Variants in WDR41 observed in about 807,000 individuals in gnomAD.
WDR41 encodes the protein WD repeat-containing protein 41.
In WDR41, 63 loss-of-function variants were observed where a neutral mutation model predicts 69.3. The ratio of observed to expected loss-of-function variants is 0.91; its 90% CI spans 0.74 to 1.12. The LOEUF (loss-of-function observed/expected upper bound fraction) is 1.12. Ranked by LOEUF, WDR41 falls within the 50% of genes most tolerant of loss-of-function variation. WDR41 has a pLI of 0.00. For missense variants in WDR41, 543 were observed against 534.5 expected (o/e 1.02, Z -0.16); for synonymous variants, 185 against 192.1 (o/e 0.96, Z 0.31).
intron 1 of WDR41, among the ~76,000 whole-genome samples, chr5:77,567,503 C>T (rs722346): frequency 0.026 from 4,025 of 151,986 alleles, 156 homozygotes; most frequent in African/African-American, 0.088. Context: ...AGTTACTTGA[C>T]CCATGTACAT....
intron 2 of WDR41, among the ~76,000 whole-genome samples, chr5:77,474,410 C>A (rs1800788346): frequency 6.6e-6 from 1 of 151,666 alleles, no homozygotes; most frequent in South Asian, 2.1e-4. Flanking sequence ...ACATTGTGCA[C>A]ATGTACCCTA....
chr5:77,482,361 CAGTT>C (rs1337642436), intron 2 of WDR41, among the ~76,000 whole-genome samples: 9 of 152,176 alleles, frequency 5.9e-5, no homozygotes, highest in South Asian at 2.1e-4. Context: ...ATTTTTTAAA[CAGTT>C]AGAAGGATCC....
chr5:77,499,722 G>T (rs1801989160), intron 1 of WDR41: 1 of 152,182 alleles, frequency 6.6e-6, no homozygotes, highest in Admixed American at 6.5e-5. Context: ...GTTCAGGAAA[G>T]CAACCCCAAT....
chr5:77,563,173 A>G (rs1743556191), intron 1 of WDR41, among the ~76,000 whole-genome samples: 1 of 152,198 alleles, frequency 6.6e-6, no homozygotes, highest in Non-Finnish European at 1.5e-5. Flanking sequence ...TAAAGTTATG[A>G]GTATTTGTGG....
At chr5:77,607,942 T>C (rs1453106124) in intron 1 of WDR41, among the ~76,000 whole-genome samples, 1 of 152,220 alleles carries the variant, frequency 6.6e-6, no homozygotes, top group Non-Finnish European at 1.5e-5. Flanking sequence ...ATAGAACTAC[T>C]TTTTTATGTG....
At position 77,432,974 on chromosome 5, in the gene WDR41, T is replaced by C; in HGVS notation, c.*161A>G. The C allele has an allele frequency of 1.5e-6, 1 of 682,312 alleles. No homozygotes were observed. Among genetic ancestry groups the C allele is most frequent in the Non-Finnish European group, 2.4e-6 (1 of 423,384 alleles). The allele number at this position is 682,312 out of a possible 1,614,324, so 42.3% of individuals were successfully genotyped here. A position where few individuals can be genotyped will look rare whatever the true frequency, so the allele number is the denominator to read the frequency against. Reference sequence around the variant, plus strand: ...ATATACTAGGACCTGAGAAGCAACATGTTCCTGGTTGGTAGGTCCACAAAA... The same window carrying C: ...ATATACTAGGACCTGAGAAGCAACACGTTCCTGGTTGGTAGGTCCACAAAA... On this transcript the variant is annotated 3_prime_UTR_variant, in exon 13 of 13. Transcript: ENST00000296679.
intron 5 of WDR41, among the ~76,000 whole-genome samples, chr5:77,455,890 CTTTG>C (rs906077086): frequency 1.3e-5 from 2 of 151,698 alleles, no homozygotes; most frequent in Admixed American, 1.3e-4. Flanking sequence ...TGTCTTGGAA[CTTTG>C]TTTTTCCATT....
At chr5:77,591,820 T>C (rs1187729906) in intron 1 of WDR41, among the ~76,000 whole-genome samples, 1 of 152,144 alleles carries the variant, frequency 6.6e-6, no homozygotes, top group Non-Finnish European at 1.5e-5. Flanking sequence ...ATATGATCAA[T>C]TTTAGTAAAT....
intron 9 of WDR41, 118 bp from the exon 10 acceptor site, chr5:77,438,479 T>C (rs1425744068): frequency 9.4e-6 from 13 of 1,386,800 alleles, no homozygotes; most frequent in Middle Eastern, 2.1e-4. Flanking sequence ...TTCCTAGCCT[T>C]TAGCCCAAAT....
At chr5:77,454,050 TTAG>T in intron 5 of WDR41, 122 bp from the exon 6 acceptor site, 1 of 716,462 alleles carries the variant, frequency 1.4e-6, no homozygotes, top group East Asian at 2.7e-5. Flanking sequence ...TTATTTCTCC[TTAG>T]TAGATCATGT....
chr5:77,574,911 T>G (rs995515462), intron 1 of WDR41, among the ~76,000 whole-genome samples: 5 of 152,036 alleles, frequency 3.3e-5, no homozygotes, highest in Non-Finnish European at 7.4e-5. Flanking sequence ...GGACATAGAG[T>G]TAACAATACA....
At chr5:77,434,548 T>C (rs1037327417) in intron 12 of WDR41, among the ~76,000 whole-genome samples, 1 of 151,290 alleles carries the variant, frequency 6.6e-6, no homozygotes, top group Non-Finnish European at 1.5e-5. Context: ...CTACTAAAAG[T>C]ACAAAAATTA....
At chr5:77,571,074 G>A (rs1285901527) in intron 1 of WDR41, among the ~76,000 whole-genome samples, 1 of 152,056 alleles carries the variant, frequency 6.6e-6, no homozygotes, top group African/African-American at 2.4e-5. Flanking sequence ...ACAGATGTCA[G>A]TCAGTTTCAT....
intron 1 of WDR41, among the ~76,000 whole-genome samples, chr5:77,562,889 G>C (rs115277287): frequency 4.3e-4 from 65 of 152,220 alleles, no homozygotes; most frequent in African/African-American, 1.5e-3. Context: ...GTCCCCTCCA[G>C]ATGCAATTCC....
chr5:77,433,387 C>T (rs1798803851), intron 12 of WDR41, 100 bp from the exon 13 acceptor site: 1 of 1,049,674 alleles, frequency 9.5e-7, no homozygotes, highest in African/African-American at 1.6e-5. Flanking sequence ...GCCTTAAAGA[C>T]TCCTTTGGAT....
intron 1 of WDR41, among the ~76,000 whole-genome samples, chr5:77,596,710 A>G (rs12697869): frequency 0.31 from 47,173 of 151,990 alleles, 8,020 homozygotes; most frequent in Non-Finnish European, 0.38. Flanking sequence ...GTTTTGTGCC[A>G]TATGTATTGA....
chr5:77,581,826 T>C (rs1397018105), intron 1 of WDR41, among the ~76,000 whole-genome samples: 1 of 152,096 alleles, frequency 6.6e-6, no homozygotes, highest in East Asian at 1.9e-4. Flanking sequence ...CATACCAAAA[T>C]TTATGGGATG....
chr5:77,519,685 T>C lies in WDR41; in HGVS notation c.43-30113A>G, dbSNP rs564603437. ...AAAATATTTTTTAAAAATCATGTAT[T>C]TTTCATCTTTATTAAAATTAGTTTA... On this transcript the variant is annotated intron_variant, in intron 1 of 5. Coordinates refer to the WDR41 transcript ENST00000509971. Among the ~76,000 whole-genome samples, 13 of 152,038 alleles carry C rather than the reference T, an allele frequency of 8.6e-5. No homozygotes were observed. In the East Asian group the frequency reaches 2.1e-3, roughly 25 times the overall value.
Position 77,436,334 on chromosome 5 carries a change from T to G in WDR41, c.1154A>C (p.Lys385Thr). Residue 385 changes from lysine (K) to threonine (T), a missense_variant, in exon 12 of 13, where the codon AAG becomes ACG. By Grantham distance (78) the Lys-to-Thr change is moderately conservative. Transcript: ENST00000296679. Reference protein sequence around the residue: ...VSKQASQPVKKQQENATSCSL... With the variant: ...VSKQASQPVKTQQENATSCSL... ...ACATGAAGTAGCATTTTCTTGCTGC[T>G]TTTTAACAGGTTGGCTGGCTTGTTT... The G allele has an allele frequency of 6.2e-7, 1 of 1,614,146 alleles. No individual in the cohort carries two copies. The highest frequency in any genetic ancestry group is 1.3e-5 in the African/African-American group (1 of 75,044).
Sources: allele counts gnomAD v4.1 joint callset (sites outside exome capture counted in the v4.1 genomes callset), GRCh38; gene constraint gnomAD v4.1.1; transcripts MANE v1.5; gene names NCBI Gene and HGNC (gene_info 2026-07-23, HGNC 2026-07-21).